Variants in DCAKD observed in about 807,000 individuals in gnomAD.
DCAKD encodes dephospho-CoA kinase domain containing.
In DCAKD, 15 loss-of-function variants were observed where a neutral mutation model predicts 18.7. That is an observed-to-expected ratio of 0.80 (90% CI 0.54 to 1.24). The LOEUF (loss-of-function observed/expected upper bound fraction) is 1.24, where lower values mean the gene tolerates loss of function less well. Among genes scored for constraint, DCAKD ranks in the 50% most tolerant of loss-of-function variants. The pLI is 0.00. For missense variants in DCAKD, 301 were observed against 322.0 expected (o/e 0.93, Z 0.50); for synonymous variants, 130 against 133.0 (o/e 0.98, Z 0.16).
chr17:45,031,032 G>A, intron 3 of DCAKD: 3 of 985,372 alleles, frequency 3.0e-6, no homozygotes, highest in Non-Finnish European at 3.6e-6. Context: ...TACAAAGCTG[G>A]GAGGGCTCCA....
At chr17:45,058,568 C>T (rs2053812598) in intron 1 of DCAKD, among the ~76,000 whole-genome samples, 1 of 151,888 alleles carries the variant, frequency 6.6e-6, no homozygotes, top group Non-Finnish European at 1.5e-5. Context: ...TATAGGCGCC[C>T]ACCACTAAGC....
At chr17:45,038,244 T>C (rs1168082632) in intron 1 of DCAKD, among the ~76,000 whole-genome samples, 2 of 152,008 alleles carry the variant, frequency 1.3e-5, no homozygotes, top group Non-Finnish European at 1.5e-5. Flanking sequence ...GCCTGGCTGA[T>C]TTTTTTGTAT....
Position 45,034,797 on chromosome 17 carries a change from T to C in DCAKD, c.89A>G (p.Asp30Gly). The C allele has an allele frequency of 6.2e-7, 1 of 1,614,160 alleles. No individual in the cohort carries two copies. The highest frequency in any genetic ancestry group is 8.5e-7 in the Non-Finnish European group (1 of 1,180,026). Residue 30 changes from aspartate (D) to glycine (G), a missense_variant, in exon 2 of 5, where the codon GAC becomes GGC. Transcript: ENST00000651974. ...VFQQLGCAVIDVDVMARHVVQ... is the reference protein window; with the variant it reads ...VFQQLGCAVIGVDVMARHVVQ... ...ACCGTGCCGGGCCATCACGTCCACG[T>C]CAATCACCGCACAGCCCAGCTGCTG...
chr17:45,054,341 G>A (rs566202572), upstream of DCAKD, among the ~76,000 whole-genome samples: 9 of 151,832 alleles, frequency 5.9e-5, no homozygotes, highest in Admixed American at 1.3e-4. Flanking sequence ...TCCGCCTCCC[G>A]GGTTCAAGTG....
At chr17:45,061,062 C>A (rs1020537091) in exon 1 of DCAKD, 3 of 1,236,098 alleles carry the variant, frequency 2.4e-6, no homozygotes, top group African/African-American at 3.1e-5. Flanking sequence ...TCCCAAGGGT[C>A]GGTCCCACCA....
At chr17:45,039,036 C>T (rs184518350) in intron 1 of DCAKD, among the ~76,000 whole-genome samples, 229 of 152,300 alleles carry the variant, frequency 1.5e-3, no homozygotes, top group Admixed American at 4.5e-3. Context: ...GAGAACAGAG[C>T]GCTGACAGGT....
intron 1 of DCAKD, among the ~76,000 whole-genome samples, chr17:45,039,593 C>T (rs2053381139): frequency 6.6e-6 from 1 of 152,208 alleles, no homozygotes; most frequent in African/African-American, 2.4e-5. Context: ...CATGTGACTG[C>T]AGGAAGTCTT....
chr17:45,035,479 C>CT (rs1555598228), intron 1 of DCAKD, among the ~76,000 whole-genome samples: 139 of 64,662 alleles, frequency 2.1e-3, no homozygotes, highest in African/African-American at 6.8e-3. Context: ...CAGATTCCTT[C>CT]TAAAAAAAAA....
At chr17:45,059,649 C>T (rs2053826852) in intron 1 of DCAKD, among the ~76,000 whole-genome samples, 2 of 152,140 alleles carry the variant, frequency 1.3e-5, no homozygotes, top group Admixed American at 1.3e-4. Context: ...TAACTGATTT[C>T]CTTGAGTGAA....
intron 4 of DCAKD, among the ~76,000 whole-genome samples, chr17:45,025,305 G>A (rs2053031499): frequency 6.6e-6 from 1 of 152,098 alleles, no homozygotes; most frequent in Non-Finnish European, 1.5e-5. Flanking sequence ...GTGCTAAGAT[G>A]GTATCTCTTG....
chr17:45,059,466 A>G (rs183866370), intron 1 of DCAKD, among the ~76,000 whole-genome samples: 54 of 152,298 alleles, frequency 3.5e-4, no homozygotes, highest in African/African-American at 1.3e-3. Context: ...CCCGAATAGG[A>G]AATTTCCAAG....
intron 3 of DCAKD, chr17:45,032,250 G>C (rs1318608472): frequency 6.8e-6 from 3 of 439,020 alleles, no homozygotes; most frequent in African/African-American, 2.2e-5. Context: ...GACTCTTCTT[G>C]AGGGAGGCAG....
At chr17:45,035,442 C>G in intron 1 of DCAKD, among the ~76,000 whole-genome samples, 1 of 116,202 alleles carries the variant, frequency 8.6e-6, no homozygotes, top group African/African-American at 3.6e-5. Context: ...GATCCCACCA[C>G]TGCACTGCAG....
chr17:45,037,328 A>G (rs965598234), intron 1 of DCAKD, among the ~76,000 whole-genome samples: 7 of 152,034 alleles, frequency 4.6e-5, no homozygotes, highest in African/African-American at 1.7e-4. Flanking sequence ...TTTCTCCTCC[A>G]TCTCTCTGAG....
At chr17:45,061,107 A>G (rs2053846495), upstream of DCAKD, 1 of 1,330,046 alleles carries the variant, frequency 7.5e-7, no homozygotes, top group Non-Finnish European at 9.6e-7. Flanking sequence ...AGCGTGGCCG[A>G]ATGCCTAGGC....
intron 4 of DCAKD, among the ~76,000 whole-genome samples, chr17:45,026,357 A>T (rs2053056734): frequency 6.6e-6 from 1 of 151,078 alleles, no homozygotes; most frequent in Non-Finnish European, 1.5e-5. Flanking sequence ...CCTCCCGAGT[A>T]ACTGGGACTA....
Position 45,031,621 on chromosome 17 carries a change from C to T in DCAKD, c.317-1442G>A, listed in dbSNP as rs1046550348. On this transcript the variant is annotated intron_variant, in intron 3 of 4. Coordinates refer to ENST00000651974, the MANE Select transcript of DCAKD (RefSeq NM_001288655.2). Reference sequence around the variant, plus strand: ...GGAGCAGAAGCCAAGACTAGATCCTCTCCGGGCCTCTTATCTCCCTTTCCT... The same window carrying T: ...GGAGCAGAAGCCAAGACTAGATCCTTTCCGGGCCTCTTATCTCCCTTTCCT... 6 of 985,294 alleles carry T rather than the reference C, an allele frequency of 6.1e-6. No individual in the cohort carries two copies. In the African/African-American group the frequency reaches 1.0e-4, roughly 17 times the overall value. The allele number at this position is 985,294 out of a possible 1,614,324, so 61.0% of individuals were successfully genotyped here. A position where few individuals can be genotyped will look rare whatever the true frequency, so the allele number is the denominator to read the frequency against.
intron 3 of DCAKD, among the ~76,000 whole-genome samples, chr17:45,032,781 C>CAA (rs552915127): frequency 5.9e-4 from 82 of 138,482 alleles, no homozygotes; most frequent in African/African-American, 1.4e-3. Context: ...GACTCCATCT[C>CAA]AAAAAAAAAA....
At chr17:45,034,154 GC>G in intron 3 of DCAKD, 32 bp downstream of exon 3, 1 of 1,612,894 alleles carries the variant, frequency 6.2e-7, no homozygotes, top group South Asian at 1.1e-5. Flanking sequence ...CTGGAAGGAG[GC>G]CCCGCCCCCC....
Sources: gnomAD v4.1 joint callset for allele counts (sites outside exome capture counted in the v4.1 genomes callset) on GRCh38, gnomAD v4.1.1 for gene constraint, MANE v1.5 for transcripts, NCBI Gene and HGNC (gene_info 2026-07-23, HGNC 2026-07-21) for gene names.